The following SLC41A3 variants were observed in gnomAD, a reference collection of about 807,000 sequenced individuals.
SLC41A3 encodes the protein SLC41A1-like 2.
In SLC41A3, 44 loss-of-function variants were observed where a neutral mutation model predicts 45.4. The observed-to-expected ratio is 0.97, with a 90% CI of 0.76 to 1.25. SLC41A3 has a LOEUF of 1.25. Among genes scored for constraint, SLC41A3 ranks in the 50% most tolerant of loss-of-function variants. SLC41A3 has a pLI of 0.00. For synonymous variants in SLC41A3, 256 were observed against 252.4 expected, an observed-to-expected ratio of 1.01 and a Z score of -0.13; for missense variants, 550 against 600.6, an observed-to-expected ratio of 0.92 and a Z score of 0.88.
chr3:126,032,761 A>G (rs999290314), intron 4 of SLC41A3, among the ~76,000 whole-genome samples: 25 of 152,140 alleles, frequency 1.6e-4, no homozygotes, highest in African/African-American at 5.3e-4. Flanking sequence ...GGTGCGGGAT[A>G]AAGTAGGTAT....
intron 2 of SLC41A3, among the ~76,000 whole-genome samples, chr3:126,052,404 ACTCT>A (rs994179001): frequency 3.8e-4 from 58 of 151,944 alleles, no homozygotes; most frequent in African/African-American, 1.3e-3. Flanking sequence ...GCTCATGGGC[ACTCT>A]CTCTGTCTAT....
chr3:126,029,302 T>C (rs1941616531), intron 4 of SLC41A3, among the ~76,000 whole-genome samples: 1 of 152,154 alleles, frequency 6.6e-6, no homozygotes, highest in African/African-American at 2.4e-5. Context: ...TGGTGACCCC[T>C]TGGTGCTGTC....
intron 4 of SLC41A3, among the ~76,000 whole-genome samples, chr3:126,028,851 AAGG>A (rs1306403673): frequency 1.3e-5 from 2 of 152,238 alleles, no homozygotes; most frequent in Non-Finnish European, 2.9e-5. Flanking sequence ...CATGGAGTTA[AAGG>A]AGATTATTTG....
intron 4 of SLC41A3, among the ~76,000 whole-genome samples, chr3:126,031,177 C>T (rs1219232366): frequency 6.6e-6 from 1 of 152,144 alleles, no homozygotes; most frequent in Non-Finnish European, 1.5e-5. Context: ...TTTAGAAGAA[C>T]ATTTTCAATG....
chr3:126,022,546 T>A (rs1940979632), intron 6 of SLC41A3, among the ~76,000 whole-genome samples: 1 of 152,196 alleles, frequency 6.6e-6, no homozygotes, highest in Admixed American at 6.5e-5. Context: ...AAGCCACCAG[T>A]CCCACTCCCA....
intron 7 of SLC41A3, among the ~76,000 whole-genome samples, chr3:126,016,174 A>G: frequency 6.6e-6 from 1 of 152,236 alleles, no homozygotes; most frequent in East Asian, 1.9e-4. Context: ...GCCCCCATCA[A>G]GGTCAACTCT....
chr3:126,098,020 A>T, intron 1 of SLC41A3, among the ~76,000 whole-genome samples: 1 of 152,244 alleles, frequency 6.6e-6, no homozygotes, highest in East Asian at 1.9e-4. Context: ...CTTGGCAAAG[A>T]GCTGCTATGC....
intron 1 of SLC41A3, among the ~76,000 whole-genome samples, chr3:126,082,183 C>T (rs939151702): frequency 1.3e-5 from 2 of 152,224 alleles, no homozygotes; most frequent in Non-Finnish European, 2.9e-5. Context: ...CCCTGTGTCA[C>T]TGACAGCTCG....
chr3:126,082,110 G>A (rs1254639078), intron 1 of SLC41A3, among the ~76,000 whole-genome samples: 1 of 152,256 alleles, frequency 6.6e-6, no homozygotes, highest in African/African-American at 2.4e-5. Context: ...TGTGGACATG[G>A]CCAAAGGCCC....
intron 3 of SLC41A3, among the ~76,000 whole-genome samples, chr3:126,050,701 G>C (rs1225025871): frequency 1.4e-5 from 2 of 139,788 alleles, no homozygotes; most frequent in African/African-American, 5.3e-5. Context: ...TGACATTTAG[G>C]TCAAAGGAGG....
Position 126,067,927 on chromosome 3 carries a change from C to G in SLC41A3, c.273+20G>C. On this transcript the variant is annotated intron_variant, in intron 2 of 10. Transcript: ENST00000360370. ...GTTCGGCAGTGCCCCGCTCCCTGTCCCCATTTAGTTCCCTCTTACCTGGAA... is the reference window on the plus strand; with the variant it reads ...GTTCGGCAGTGCCCCGCTCCCTGTCGCCATTTAGTTCCCTCTTACCTGGAA... 2 of 1,565,268 alleles carry G rather than the reference C, an allele frequency of 1.3e-6. No individual in the cohort carries two copies. The highest frequency in any genetic ancestry group is 1.7e-6 in the Non-Finnish European group (2 of 1,155,530).
At chr3:126,053,258 G>C (rs2107906915) in intron 2 of SLC41A3, among the ~76,000 whole-genome samples, 1 of 152,304 alleles carries the variant, frequency 6.6e-6, no homozygotes, top group South Asian at 2.1e-4. Context: ...ATCCTCATTA[G>C]AGGAGGAAAT....
chr3:126,048,332 G>A (rs1334754236), intron 3 of SLC41A3, among the ~76,000 whole-genome samples: 1 of 152,114 alleles, frequency 6.6e-6, no homozygotes, highest in Non-Finnish European at 1.5e-5. Context: ...TTAAAAACTG[G>A]TTAATAGTTT....
intron 6 of SLC41A3, among the ~76,000 whole-genome samples, chr3:126,019,532 C>T (rs1031591831): frequency 6.6e-6 from 1 of 152,178 alleles, no homozygotes; most frequent in African/African-American, 2.4e-5. Flanking sequence ...TCCAGAGTCT[C>T]ACATGTGAGC....
At chr3:126,068,789 G>A (rs4314124) in intron 1 of SLC41A3, among the ~76,000 whole-genome samples, 35,881 of 152,014 alleles carry the variant, frequency 0.24, 4,586 homozygotes, top group Non-Finnish European at 0.28. Context: ...TGACAAGGCT[G>A]GAGTTCTTAC....
intron 2 of SLC41A3, among the ~76,000 whole-genome samples, chr3:126,059,239 GAA>G (rs1347951710): frequency 6.8e-4 from 1 of 1,476 alleles, no homozygotes. Flanking sequence ...GAAAGAGAAA[GAA>G]AGAAAGAAAG....
chr3:126,016,722 C>T lies in SLC41A3; in HGVS notation c.890+9G>A. The T allele has an allele frequency of 6.2e-7, 1 of 1,603,020 alleles. No individual in the cohort carries two copies. The highest frequency in any genetic ancestry group is 8.5e-7 in the Non-Finnish European group (1 of 1,175,898). ...AGGAAGAGGGGCCGTGGCCCTGGCT[C>T]CTGCTCACCTGCTGATGACCATGGC... On this transcript the variant is annotated intron_variant, in intron 7 of 10. Coordinates refer to ENST00000360370, the MANE Select transcript of SLC41A3 (RefSeq NM_017836.4).
In SLC41A3 at chr3:126,026,783, T is replaced by C. The variant is rs1941390978; in HGVS notation, c.454-304A>G. Among the ~76,000 whole-genome samples the C allele has an allele frequency of 6.6e-6, 1 of 152,300 alleles. No homozygotes were observed. Among genetic ancestry groups the C allele is most frequent in the South Asian group, 2.1e-4 (1 of 4,824 alleles). On this transcript the variant is annotated intron_variant, in intron 4 of 10. Transcript: ENST00000360370. The surrounding 1 kb of genome is among the most constrained non-coding windows in gnomAD (Gnocchi z 4.2). ...TTTGGTCAGGGGCCACCTGGTATCT[T>C]GCTGGCAACTCCACTCTCACTGGTC...
intron 1 of SLC41A3, among the ~76,000 whole-genome samples, chr3:126,092,354 C>T (rs1320245193): frequency 6.6e-6 from 1 of 152,266 alleles, no homozygotes; most frequent in Non-Finnish European, 1.5e-5. Context: ...CTAGCCAGAC[C>T]TACCCCTTTA....
Sources: gnomAD v4.1 joint callset for allele counts (sites outside exome capture counted in the v4.1 genomes callset) on GRCh38, gnomAD v4.1.1 for gene constraint, Gnocchi (gnomAD v3.1) non-coding constraint, MANE v1.5 for transcripts, NCBI Gene and HGNC (gene_info 2026-07-23, HGNC 2026-07-21) for gene names.